The following EEF1AKMT2 variants were observed in gnomAD, a reference collection of about 807,000 sequenced individuals.
The protein encoded by EEF1AKMT2 is eukaryotic translation elongation factor 1 alpha lysine methyltransferase 2.
In EEF1AKMT2, 32 loss-of-function variants were observed where a neutral mutation model predicts 35.8. The observed-to-expected ratio is 0.89, with a 90% CI of 0.67 to 1.20. The LOEUF is 1.20. Among genes scored for constraint, EEF1AKMT2 ranks in the 50% most tolerant of loss-of-function variants. The pLI is 0.00. For synonymous variants in EEF1AKMT2, 121 were observed against 133.7 expected, an observed-to-expected ratio of 0.91 and a Z score of 0.65; for missense variants, 330 against 347.5, an observed-to-expected ratio of 0.95 and a Z score of 0.40.
At chr10:124,782,886 A>T in intron 3 of EEF1AKMT2, 1 of 339,214 alleles carries the variant, frequency 2.9e-6, no homozygotes, top group Non-Finnish European at 5.9e-6. Flanking sequence ...ATCAATAATC[A>T]CATTGAACAT....
In EEF1AKMT2 at chr10:124,791,851, A is replaced by G; in HGVS notation, c.-18T>C. ...GAGCTCATTTCGCTCCACGTCCTGG[A>G]CGGCCGTTGGGGCCGCCATAGAGAC... On this transcript the variant is annotated 5_prime_UTR_variant, in exon 1 of 7. Transcript: ENST00000368836. 4 of 1,552,464 alleles carry G rather than the reference A, an allele frequency of 2.6e-6. No individual in the cohort carries two copies. Among genetic ancestry groups the G allele is most frequent in the Non-Finnish European group, 2.6e-6 (3 of 1,155,476 alleles).
At position 124,762,330 on chromosome 10, in the gene EEF1AKMT2, A is replaced by T; in HGVS notation, c.845T>A (p.Leu282Ter). 1.7e-6 allele frequency: 2 copies of T among 1,209,836 alleles called. No individual in the cohort carries two copies. The highest frequency in any genetic ancestry group is 2.2e-6 in the Non-Finnish European group (2 of 927,384). The allele number at this position is 1,209,836 out of a possible 1,614,324, so 74.9% of individuals were successfully genotyped here. Reference protein sequence around the residue: ...SPTWPPKVLGLYHARPSLAF With the variant: ...SPTWPPKVLG Reference sequence around the variant, plus strand: ...TGCCAACGAGGGCCTGGCATGGTATAATCCCAGCACTTTGGGAGGCCAGGT... The same window carrying T: ...TGCCAACGAGGGCCTGGCATGGTATTATCCCAGCACTTTGGGAGGCCAGGT... Residue 282 changes from leucine to a stop codon, truncating the protein, a stop_gained, in exon 6 of 7, where the codon TTA becomes TAA. Transcript: ENST00000368836. LOFTEE classifies it high-confidence loss of function.
At chr10:124,771,979 G>A (rs1589784021) in intron 4 of EEF1AKMT2, among the ~76,000 whole-genome samples, 1 of 152,244 alleles carries the variant, frequency 6.6e-6, no homozygotes, top group African/African-American at 2.4e-5. Context: ...GGGGCAGTAG[G>A]TCTCAAAAAT....
At chr10:124,776,633 C>CA (rs372520349) in intron 3 of EEF1AKMT2, among the ~76,000 whole-genome samples, 84 of 151,120 alleles carry the variant, frequency 5.6e-4, no homozygotes, top group Middle Eastern at 3.4e-3. Context: ...ACTAAAAACA[C>CA]AAAAATTAGC....
intron 3 of EEF1AKMT2, chr10:124,782,873 C>A: frequency 3.5e-6 from 1 of 283,986 alleles, no homozygotes; most frequent in East Asian, 1.0e-4. Context: ...TAAATCCAAA[C>A]GTATCAATAA....
At chr10:124,764,692 C>T (rs1325409832) in intron 5 of EEF1AKMT2, among the ~76,000 whole-genome samples, 1 of 152,214 alleles carries the variant, frequency 6.6e-6, no homozygotes. Context: ...ACCTAAATGA[C>T]CGCTAGTGCA....
chr10:124,781,089 G>A (rs1377877574), intron 3 of EEF1AKMT2, among the ~76,000 whole-genome samples: 5 of 151,882 alleles, frequency 3.3e-5, no homozygotes, highest in Non-Finnish European at 5.9e-5. Context: ...GGGACTACAA[G>A]GGCATGCCAC....
chr10:124,775,430 T>C (rs1416288072), intron 3 of EEF1AKMT2, among the ~76,000 whole-genome samples: 1 of 152,210 alleles, frequency 6.6e-6, no homozygotes, highest in East Asian at 1.9e-4. Flanking sequence ...CTAGGCTGTG[T>C]AGTGTCTATG....
chr10:124,787,693 C>A (rs905535100), intron 3 of EEF1AKMT2, among the ~76,000 whole-genome samples: 7 of 151,260 alleles, frequency 4.6e-5, no homozygotes, highest in Non-Finnish European at 1.0e-4. Context: ...CTACAATGTG[C>A]CATGATCTCA....
At chr10:124,780,211 C>A (rs1174661973) in intron 3 of EEF1AKMT2, among the ~76,000 whole-genome samples, 2 of 152,160 alleles carry the variant, frequency 1.3e-5, no homozygotes, top group Non-Finnish European at 2.9e-5. Context: ...TGTATTCCAA[C>A]AAATATTTAT....
At chr10:124,761,733 G>A (rs757128389) in intron 6 of EEF1AKMT2, among the ~76,000 whole-genome samples, 3 of 152,136 alleles carry the variant, frequency 2.0e-5, no homozygotes, top group Non-Finnish European at 4.4e-5. Flanking sequence ...AGACCAGCCG[G>A]GGCAACATGG....
At chr10:124,774,428 A>G in intron 4 of EEF1AKMT2, among the ~76,000 whole-genome samples, 1 of 144,832 alleles carries the variant, frequency 6.9e-6, no homozygotes, top group African/African-American at 2.5e-5. Context: ...GATCTGGTTA[A>G]TCCATAGTTA....
intron 2 of EEF1AKMT2, 72 bp downstream of exon 2, chr10:124,790,201 C>A (rs543587252): frequency 4.1e-6 from 5 of 1,213,024 alleles, no homozygotes; most frequent in East Asian, 4.7e-5. Flanking sequence ...CGAATATATA[C>A]GTATTTTTTT....
chr10:124,765,374 C>T lies in EEF1AKMT2; in HGVS notation c.616+18G>A. 6.3e-7 allele frequency: 1 copy of T among 1,597,352 alleles called. No individual in the cohort carries two copies. On this transcript the variant is annotated intron_variant, in intron 5 of 6. Coordinates refer to ENST00000368836, the MANE Select transcript of EEF1AKMT2 (RefSeq NM_212554.4). ...AACCTGAGGTAAGCACACATTTAAA[C>T]ACCATATAGTCACTTACCTTCACTG...
At position 124,759,874 on chromosome 10, in the gene EEF1AKMT2, G is replaced by C. The variant is rs1950315853; in HGVS notation, c.*629C>G. On this transcript the variant is annotated 3_prime_UTR_variant, in exon 7 of 7. Coordinates refer to ENST00000368836, the MANE Select transcript of EEF1AKMT2 (RefSeq NM_212554.4). ...GCAACTGATACATTTCTCTGATTTT[G>C]TTTAATTATATACATAAAGGTAAGA... 6.6e-6 allele frequency: 1 copy of C among 152,222 alleles called. No homozygotes were observed. The highest frequency in any genetic ancestry group is 2.1e-4 in the South Asian group (1 of 4,836). 9.4% of individuals were successfully genotyped at this position (152,222 alleles called of 1,614,324 possible). A position where few individuals can be genotyped will look rare whatever the true frequency, so the allele number is the denominator to read the frequency against.
At chr10:124,779,047 T>C (rs1239143496) in intron 3 of EEF1AKMT2, among the ~76,000 whole-genome samples, 1 of 151,774 alleles carries the variant, frequency 6.6e-6, no homozygotes, top group Non-Finnish European at 1.5e-5. Flanking sequence ...CTACGCCACA[T>C]ATGCAAATAT....
chr10:124,757,205 A>C (rs1005956137), downstream of EEF1AKMT2, among the ~76,000 whole-genome samples: 1 of 124,664 alleles, frequency 8.0e-6, no homozygotes, highest in South Asian at 2.4e-4. Flanking sequence ...CACACACGAC[A>C]TTAGCTAAAG....
chr10:124,785,410 A>T (rs1950576281), intron 3 of EEF1AKMT2, among the ~76,000 whole-genome samples: 1 of 152,164 alleles, frequency 6.6e-6, no homozygotes, highest in African/African-American at 2.4e-5. Flanking sequence ...CTTCATCAAA[A>T]TTAAGAACTG....
At chr10:124,771,177 G>C (rs1249130596) in intron 4 of EEF1AKMT2, among the ~76,000 whole-genome samples, 1 of 151,414 alleles carries the variant, frequency 6.6e-6, no homozygotes, top group Non-Finnish European at 1.5e-5. Context: ...TCAGCTCACT[G>C]CAAGCTCCGC....
Sources: allele counts gnomAD v4.1 joint callset (sites outside exome capture counted in the v4.1 genomes callset), GRCh38; gene constraint gnomAD v4.1.1; transcripts MANE v1.5; gene names NCBI Gene and HGNC (gene_info 2026-07-23, HGNC 2026-07-21).